ZBTB7C: variants seen among roughly 807,000 people sequenced by gnomAD.
ZBTB7C encodes the protein zinc finger and BTB domain containing 7C.
A neutral mutation model predicts 25.7 loss-of-function variants in ZBTB7C; 8 were observed. That is an observed-to-expected ratio of 0.31 (90% CI 0.18 to 0.56). ZBTB7C has a LOEUF of 0.56. Ranked by LOEUF, ZBTB7C falls within the 20% of genes least tolerant of loss-of-function variation. The pLI is 0.91. For missense variants in ZBTB7C, 824 were observed against 855.2 expected, an observed-to-expected ratio of 0.96 and a Z score of 0.46; for synonymous variants, 394 against 369.0, an observed-to-expected ratio of 1.07 and a Z score of -0.78.
chr18:48,310,951 G>A (rs1475141772), intron 2 of ZBTB7C, among the ~76,000 whole-genome samples: 2 of 152,210 alleles, frequency 1.3e-5, no homozygotes, highest in African/African-American at 4.8e-5. Context: ...TGACAGATGT[G>A]TGCACATCTT....
chr18:48,203,243 C>G (rs2042498297), intron 2 of ZBTB7C, among the ~76,000 whole-genome samples: 1 of 152,154 alleles, frequency 6.6e-6, no homozygotes, highest in Non-Finnish European at 1.5e-5. Context: ...CCTAAGGGCT[C>G]ACAATAACAC....
In ZBTB7C at chr18:48,366,613, ACC is replaced by A. The variant is rs2047226686; in HGVS notation, c.-303-28217_-303-28216del. Among the ~76,000 whole-genome samples the A allele has an allele frequency of 2.0e-5, 3 of 152,258 alleles. No homozygotes were observed. The South Asian group carries it at 6.2e-4, about 32-fold the overall frequency. ...TACAAGTCCATAAGAAAGGCCAGCAACCCAAAAGGGAAATGTAAAATAAAGAA... is the reference window on the plus strand; with the variant it reads ...TACAAGTCCATAAGAAAGGCCAGCAACAAAAGGGAAATGTAAAATAAAGAA... On this transcript the variant is annotated intron_variant, in intron 1 of 4. Coordinates refer to ENST00000590800, the MANE Select transcript of ZBTB7C (RefSeq NM_001318841.2).
intron 1 of ZBTB7C, chr18:48,346,709 A>G (rs9966995): frequency 0.025 from 3,775 of 152,200 alleles, 119 homozygotes; most frequent in African/African-American, 0.073. Flanking sequence ...CTGACCAACC[A>G]CGGAGGCCAG....
rs558476305 is a variant in ZBTB7C at position 48,047,946 on chromosome 18, CT to C, written c.-16-6824del. ...CCATTGCCACCCAGCCAGCCAATGT[CT>C]GAGCCAGGATTTGAACCCAGCTGCG... is the stretch of plus-strand genomic sequence containing the variant. On this transcript the variant is annotated intron_variant, in intron 3 of 4. Coordinates refer to ENST00000590800, the MANE Select transcript of ZBTB7C (RefSeq NM_001318841.2). 3.0e-4 allele frequency among the ~76,000 whole-genome samples: 45 copies of C among 152,342 alleles called. No individual in the cohort carries two copies. The East Asian group carries it at 6.4e-3, about 22-fold the overall frequency.
chr18:48,275,325 CTGCTGCG>C (rs1364181121), intron 2 of ZBTB7C, among the ~76,000 whole-genome samples: 1 of 152,238 alleles, frequency 6.6e-6, no homozygotes, highest in Non-Finnish European at 1.5e-5. Context: ...GAAGCCAGCG[CTGCTGCG>C]TTCCTATGCC....
rs144896439 is a variant in ZBTB7C at position 48,351,210 on chromosome 18, G to C, written c.-303-12812C>G. ...AGCCCTTTTTGACAGAGAAGCCACG[G>C]CTCACACCTCTTCTTTACCCCTCCC... On this transcript the variant is annotated intron_variant, in intron 1 of 4. Transcript: ENST00000590800. 2.2e-3 allele frequency among the ~76,000 whole-genome samples: 337 copies of C among 152,164 alleles called. 1 individual carries two copies. Among genetic ancestry groups the C allele is most frequent in the African/African-American group, 7.5e-3 (311 of 41,502 alleles).
At chr18:48,347,557 G>T (rs983720673) in intron 1 of ZBTB7C, among the ~76,000 whole-genome samples, 1 of 152,056 alleles carries the variant, frequency 6.6e-6, no homozygotes, top group African/African-American at 2.4e-5. Context: ...TCCTCACCCT[G>T]CTGCCTCTGC....
chr18:48,287,146 A>G (rs1374691404), intron 2 of ZBTB7C, among the ~76,000 whole-genome samples: 1 of 149,910 alleles, frequency 6.7e-6, no homozygotes, highest in Non-Finnish European at 1.5e-5. Context: ...TAAGAAAACA[A>G]AGAGAAACAA....
intron 2 of ZBTB7C, among the ~76,000 whole-genome samples, chr18:48,288,259 T>C (rs549054560): frequency 1.3e-5 from 2 of 152,246 alleles, no homozygotes; most frequent in Non-Finnish European, 2.9e-5. Flanking sequence ...GGTGAAATCC[T>C]AGCCCCCAAG....
chr18:48,394,897 C>T (rs951638666), intron 1 of ZBTB7C, among the ~76,000 whole-genome samples: 1 of 152,184 alleles, frequency 6.6e-6, no homozygotes, highest in Admixed American at 6.5e-5. Context: ...AACGGCGACG[C>T]GTATGTGTAT....
At chr18:48,370,616 T>G (rs910752657) in intron 1 of ZBTB7C, among the ~76,000 whole-genome samples, 2 of 152,130 alleles carry the variant, frequency 1.3e-5, no homozygotes, top group Non-Finnish European at 2.9e-5. Flanking sequence ...TTTGTACAAC[T>G]GCATGCAAAT....
intron 2 of ZBTB7C, among the ~76,000 whole-genome samples, chr18:48,310,054 C>A (rs922214859): frequency 5.9e-5 from 9 of 151,966 alleles, no homozygotes; most frequent in Non-Finnish European, 1.3e-4. Context: ...ACAGTGAAAC[C>A]CCATCTCTAC....
intron 2 of ZBTB7C, among the ~76,000 whole-genome samples, chr18:48,275,410 T>C (rs1472817825): frequency 6.6e-6 from 1 of 152,190 alleles, no homozygotes; most frequent in Admixed American, 6.5e-5. Flanking sequence ...ATTTGTTACA[T>C]TGAGTTCCTT....
At chr18:48,254,375 A>G (rs77811712) in intron 2 of ZBTB7C, among the ~76,000 whole-genome samples, 7,623 of 152,304 alleles carry the variant, frequency 0.05, 264 homozygotes, top group Non-Finnish European at 0.077. Context: ...GCATAATAAA[A>G]TTAGGGTGGG....
upstream of ZBTB7C, among the ~76,000 whole-genome samples, chr18:48,409,691 G>C (rs1260197169): frequency 1.3e-5 from 2 of 152,004 alleles, no homozygotes; most frequent in African/African-American, 2.4e-5. Context: ...GGGGGCGCCC[G>C]GGACTGGCGG....
chr18:48,140,237 C>T (rs866233175), intron 3 of ZBTB7C, among the ~76,000 whole-genome samples: 22 of 152,360 alleles, frequency 1.4e-4, no homozygotes, highest in Middle Eastern at 3.4e-3. Flanking sequence ...TGCCCACAAG[C>T]ACACGCAGAT....
At chr18:48,224,848 T>C (rs192434480) in intron 2 of ZBTB7C, among the ~76,000 whole-genome samples, 4 of 152,230 alleles carry the variant, frequency 2.6e-5, no homozygotes, top group African/African-American at 9.6e-5. Context: ...AAGTCAATTA[T>C]AATGAAATCA....
chr18:48,175,706 G>T (rs2041652309), intron 3 of ZBTB7C, among the ~76,000 whole-genome samples: 1 of 152,174 alleles, frequency 6.6e-6, no homozygotes, highest in African/African-American at 2.4e-5. Context: ...CTGGTGCAGG[G>T]TAGGTGCAAG....
intron 1 of ZBTB7C, among the ~76,000 whole-genome samples, chr18:48,396,162 A>C (rs954542274): frequency 4.6e-5 from 7 of 152,242 alleles, no homozygotes; most frequent in Admixed American, 4.6e-4. Context: ...GTATAGACAG[A>C]GGCAAGGACA....
Sources: allele counts gnomAD v4.1 joint callset (sites outside exome capture counted in the v4.1 genomes callset), GRCh38; gene constraint gnomAD v4.1.1; transcripts MANE v1.5; gene names NCBI Gene and HGNC (gene_info 2026-07-23, HGNC 2026-07-21).